The following DGKI variants were observed in gnomAD, a reference collection of about 807,000 sequenced individuals.
DGKI encodes the protein DAG kinase iota.
In DGKI, 55 loss-of-function variants were observed where a neutral mutation model predicts 147.5. The observed-to-expected ratio is 0.37, with a 90% CI of 0.30 to 0.47. The LOEUF (loss-of-function observed/expected upper bound fraction) is 0.47, where lower values mean the gene tolerates loss of function less well. DGKI is among the 20% of genes least tolerant of loss of function. The pLI, the probability that DGKI is intolerant of heterozygous loss-of-function variation, is 1.00. For missense variants in DGKI, 1,007 were observed against 1,323.8 expected (o/e 0.76, Z 3.71); for synonymous variants, 469 against 477.1 (o/e 0.98, Z 0.22).
intron 30 of DGKI, 24 bp downstream of exon 30, chr7:137,407,851 G>A: frequency 6.2e-7 from 1 of 1,612,282 alleles, no homozygotes; most frequent in Non-Finnish European, 8.5e-7. Flanking sequence ...AGTGATCCTT[G>A]GTAAGTTCAC....
intron 18 of DGKI, 87 bp from the exon 19 acceptor site, chr7:137,571,373 G>T: frequency 2.3e-6 from 2 of 886,034 alleles, no homozygotes; most frequent in Non-Finnish European, 3.5e-6. Context: ...TAGACCCAAT[G>T]TTTATCAAAC....
At chr7:137,467,038 C>T in intron 24 of DGKI, 96 bp from the exon 25 acceptor site, 1 of 1,159,742 alleles carries the variant, frequency 8.6e-7, no homozygotes, top group South Asian at 1.3e-5. Flanking sequence ...AAAACCCCTA[C>T]ATGGCAGTCA....
At chr7:137,749,977 CTG>C (rs1253668555) in intron 1 of DGKI, among the ~76,000 whole-genome samples, 1 of 152,114 alleles carries the variant, frequency 6.6e-6, no homozygotes, top group Non-Finnish European at 1.5e-5. Context: ...AGTGCAAAGA[CTG>C]AGAAAGTGCA....
intron 28 of DGKI, among the ~76,000 whole-genome samples, chr7:137,434,022 G>A (rs1187690860): frequency 6.6e-6 from 1 of 151,854 alleles, no homozygotes; most frequent in Non-Finnish European, 1.5e-5. Flanking sequence ...AGTAGGCTGA[G>A]GCAGGAGAAG....
At chr7:137,677,430 G>T (rs1174137047) in intron 3 of DGKI, among the ~76,000 whole-genome samples, 2 of 152,126 alleles carry the variant, frequency 1.3e-5, no homozygotes, top group African/African-American at 4.8e-5. Flanking sequence ...CCCTGACATT[G>T]ATTCCCAACT....
At chr7:137,704,291 T>A (rs1272665494) in intron 1 of DGKI, among the ~76,000 whole-genome samples, 2 of 152,084 alleles carry the variant, frequency 1.3e-5, no homozygotes, top group African/African-American at 4.8e-5. Context: ...TCTTATCAAA[T>A]AGAGAATATC....
At chr7:137,837,034 T>C (rs1163770626) in intron 1 of DGKI, among the ~76,000 whole-genome samples, 1 of 152,104 alleles carries the variant, frequency 6.6e-6, no homozygotes, top group Non-Finnish European at 1.5e-5. Context: ...AAAGCTGCAA[T>C]AGGGAAGTAA....
chr7:137,645,315 A>G (rs1821785422), intron 6 of DGKI, among the ~76,000 whole-genome samples, 157 bp downstream of exon 6: 1 of 152,230 alleles, frequency 6.6e-6, no homozygotes, highest in South Asian at 2.1e-4. Context: ...GTTCTAGAAC[A>G]ACTACAATGC....
chr7:137,416,020 A>C (rs1431694889), intron 28 of DGKI, among the ~76,000 whole-genome samples: 2 of 151,888 alleles, frequency 1.3e-5, no homozygotes, highest in African/African-American at 4.8e-5. Flanking sequence ...AAAAACAACA[A>C]CAAAATAGCC....
At chr7:137,656,621 T>C (rs1448442727) in intron 3 of DGKI, 81 bp from the exon 4 acceptor site, 1 of 1,244,318 alleles carries the variant, frequency 8.0e-7, no homozygotes, top group Non-Finnish European at 1.2e-6. Flanking sequence ...AGTGGGCATA[T>C]ATAATAAATA....
chr7:137,458,450 G>C (rs1017032035), intron 27 of DGKI, among the ~76,000 whole-genome samples: 2 of 152,024 alleles, frequency 1.3e-5, no homozygotes, highest in African/African-American at 4.8e-5. Flanking sequence ...CTAGGACTTG[G>C]GGACATTGAG....
chr7:137,638,677 C>T lies in DGKI; in HGVS notation c.804+6795G>A, dbSNP rs1004283652. Reference sequence around the variant, plus strand: ...ATACACACATATGTATATATACACACGTATGTACACACAGATACATATGTA... The same window carrying T: ...ATACACACATATGTATATATACACATGTATGTACACACAGATACATATGTA... On this transcript the variant is annotated intron_variant, in intron 6 of 32. Coordinates refer to ENST00000614521, the MANE Select transcript of DGKI (RefSeq NM_001321708.2). Among the ~76,000 whole-genome samples the T allele has an allele frequency of 3.3e-5, 4 of 119,798 alleles. No individual in the cohort carries two copies. The South Asian group carries it at 7.9e-4, about 24-fold the overall frequency. 78.6% of individuals were successfully genotyped at this position (119,798 alleles called of 152,430 possible).
chr7:137,504,288 C>T (rs1043967663), intron 21 of DGKI, among the ~76,000 whole-genome samples: 5 of 152,142 alleles, frequency 3.3e-5, no homozygotes, highest in Non-Finnish European at 4.4e-5. Flanking sequence ...TGTTACAGTG[C>T]AATTACTGTT....
intron 5 of DGKI, among the ~76,000 whole-genome samples, chr7:137,646,836 A>C (rs1821842853): frequency 6.6e-6 from 1 of 152,228 alleles, no homozygotes; most frequent in Non-Finnish European, 1.5e-5. Flanking sequence ...AAAAGGTTAT[A>C]TATCAAGGCA....
chr7:137,605,313 TATAAAATAAAATAAA>T (rs564995858), intron 10 of DGKI, among the ~76,000 whole-genome samples: 8,059 of 121,170 alleles, frequency 0.067, 294 homozygotes, highest in Middle Eastern at 0.095. Flanking sequence ...GTCTCAAAAA[TATAAAATAAAATAAA>T]ATAAAATAAA....
chr7:137,493,884 T>G (rs1422594422), intron 21 of DGKI: 3 of 647,334 alleles, frequency 4.6e-6, no homozygotes, highest in Admixed American at 2.5e-5. Flanking sequence ...ATGAAGATCA[T>G]CGAGATTCAG....
intron 1 of DGKI, among the ~76,000 whole-genome samples, chr7:137,767,482 GAAGAGAAGA>G (rs1051615014): frequency 7.4e-6 from 1 of 134,358 alleles, no homozygotes; most frequent in African/African-American, 3.0e-5. Context: ...GAAGAGAAGA[GAAGAGAAGA>G]GAAGAGAAGA....
intron 3 of DGKI, among the ~76,000 whole-genome samples, chr7:137,674,469 G>A (rs764078707): frequency 2.0e-5 from 3 of 152,116 alleles, no homozygotes; most frequent in Non-Finnish European, 4.4e-5. Context: ...ATGCAGTTCT[G>A]GTTTATCCCT....
intron 3 of DGKI, among the ~76,000 whole-genome samples, chr7:137,668,008 A>T (rs1822702552): frequency 6.6e-6 from 1 of 152,196 alleles, no homozygotes; most frequent in Non-Finnish European, 1.5e-5. Context: ...GGGAACTGAG[A>T]CCCTATGAGA....
Sources: gnomAD v4.1 joint callset for allele counts (sites outside exome capture counted in the v4.1 genomes callset) on GRCh38, gnomAD v4.1.1 for gene constraint, MANE v1.5 for transcripts, NCBI Gene and HGNC (gene_info 2026-07-23, HGNC 2026-07-21) for gene names.